ARHGAP21: variants seen among roughly 807,000 people sequenced by gnomAD.
ARHGAP21 encodes rho GTPase-activating protein 21.
A neutral mutation model predicts 164.6 loss-of-function variants in ARHGAP21; 38 were observed. The ratio of observed to expected loss-of-function variants is 0.23; its 90% CI spans 0.18 to 0.30. The LOEUF (loss-of-function observed/expected upper bound fraction) is 0.30. ARHGAP21 is among the 10% of genes least tolerant of loss of function. The probability of loss-of-function intolerance (pLI) is 1.00; values close to 1 mark genes in which losing one functional copy is unlikely to be tolerated. For synonymous variants in ARHGAP21, 766 were observed against 857.9 expected, an observed-to-expected ratio of 0.89 and a Z score of 1.87; for missense variants, 1,822 against 2,370.7, an observed-to-expected ratio of 0.77 and a Z score of 4.81.
chr10:24,709,312 A>G (rs1484068675), intron 2 of ARHGAP21, among the ~76,000 whole-genome samples: 1 of 152,216 alleles, frequency 6.6e-6, no homozygotes, highest in Non-Finnish European at 1.5e-5. Flanking sequence ...ATGGATTCAC[A>G]GCCAAATTCT....
intron 2 of ARHGAP21, among the ~76,000 whole-genome samples, chr10:24,694,461 G>A (rs61032267): frequency 0.013 from 1,913 of 152,304 alleles, 6 homozygotes; most frequent in Admixed American, 0.024. Context: ...CCTTCTGGGA[G>A]TCTAGAATGT....
intron 21 of ARHGAP21, among the ~76,000 whole-genome samples, chr10:24,593,430 T>C (rs2076424609): frequency 6.6e-6 from 1 of 152,200 alleles, no homozygotes; most frequent in African/African-American, 2.4e-5. Context: ...TACTAGACTC[T>C]TGACTATGAT....
In ARHGAP21 at chr10:24,670,370, G is replaced by C. The variant is rs1249375528; in HGVS notation, c.91C>G (p.Gln31Glu). 4.4e-6 allele frequency: 7 copies of C among 1,594,024 alleles called. No homozygotes were observed. The highest frequency in any genetic ancestry group is 2.7e-5 in the African/African-American group (2 of 74,360). ...TCAGACAGTGATACAGTTTCACTTTGTTCTTTTCCATCTTTATTTTTTGAG... is the reference window on the plus strand; with the variant it reads ...TCAGACAGTGATACAGTTTCACTTTCTTCTTTTCCATCTTTATTTTTTGAG... ...EVSKNKDGKE[Q>E]SETVSLSEDE... is the part of the protein sequence containing the mutation. Residue 31 changes from glutamine (Q) to glutamate (E), a missense_variant, in exon 3 of 26, where the codon CAA (glutamine) becomes GAA (glutamate). Transcript: ENST00000396432.
At chr10:24,633,322 A>C in intron 6 of ARHGAP21, 80 bp downstream of exon 6, 1 of 1,020,226 alleles carries the variant, frequency 9.8e-7, no homozygotes, top group Non-Finnish European at 1.5e-6. Context: ...TCCTTGTAAG[A>C]ATAGAAGATT....
At chr10:24,701,404 C>G (rs1211909841) in intron 2 of ARHGAP21, among the ~76,000 whole-genome samples, 1 of 151,754 alleles carries the variant, frequency 6.6e-6, no homozygotes, top group Non-Finnish European at 1.5e-5. Context: ...AATCATTTTA[C>G]AACCTTCTTT....
intron 2 of ARHGAP21, among the ~76,000 whole-genome samples, chr10:24,670,638 GA>G (rs1233669153): frequency 9.9e-5 from 15 of 151,806 alleles, no homozygotes; most frequent in Admixed American, 7.2e-4. Context: ...TTAGTCAGAA[GA>G]AAGAACTCTC....
chr10:24,627,117 T>C (rs1157459195), intron 7 of ARHGAP21, among the ~76,000 whole-genome samples: 1 of 152,176 alleles, frequency 6.6e-6, no homozygotes. Flanking sequence ...CTAAAATAAT[T>C]TGGTCTGTAT....
At chr10:24,633,372 C>T in intron 6 of ARHGAP21, 30 bp downstream of exon 6, 1 of 1,457,742 alleles carries the variant, frequency 6.9e-7, no homozygotes, top group Non-Finnish European at 9.6e-7. Context: ...TAAAACCCAT[C>T]TTTGGGTTTT....
rs954112845 is a variant in ARHGAP21 at position 24,584,168 on chromosome 10, A to T, written c.*244T>A. 42 of 193,546 alleles carry T rather than the reference A, an allele frequency of 2.2e-4. No homozygotes were observed. The highest frequency in any genetic ancestry group is 3.8e-4 in the Non-Finnish European group (37 of 98,112). 12.0% of individuals were successfully genotyped at this position (193,546 alleles called of 1,614,324 possible). On this transcript the variant is annotated 3_prime_UTR_variant, in exon 26 of 26. Transcript: ENST00000396432. ...TGATTTTGGGTATATGCTATGTAGTAAGTTGCAACAAATACCTTGCTCATT... is the reference window on the plus strand; with the variant it reads ...TGATTTTGGGTATATGCTATGTAGTTAGTTGCAACAAATACCTTGCTCATT...
chr10:24,705,987 A>C (rs978828394), intron 2 of ARHGAP21, among the ~76,000 whole-genome samples: 11 of 152,238 alleles, frequency 7.2e-5, no homozygotes, highest in African/African-American at 2.7e-4. Flanking sequence ...CTAACCTAGC[A>C]GATTTTCTCT....
intron 2 of ARHGAP21, among the ~76,000 whole-genome samples, chr10:24,699,686 A>G (rs1843481564): frequency 6.6e-6 from 1 of 152,022 alleles, no homozygotes; most frequent in Non-Finnish European, 1.5e-5. Context: ...CGGTAAAGAG[A>G]AGGCATCAAG....
chr10:24,628,946 C>T (rs1453465654), intron 7 of ARHGAP21: 3 of 80,870 alleles, frequency 3.7e-5, no homozygotes, highest in African/African-American at 1.6e-4. Flanking sequence ...TATATACACA[C>T]ACACACTATA....
At chr10:24,613,263 A>G (rs1045415960) in intron 9 of ARHGAP21, among the ~76,000 whole-genome samples, 1 of 152,224 alleles carries the variant, frequency 6.6e-6, no homozygotes, top group African/African-American at 2.4e-5. Context: ...TGGCCTTCTC[A>G]TCTTTGACCC....
chr10:24,603,623 G>A (rs994781907), intron 12 of ARHGAP21, among the ~76,000 whole-genome samples: 2 of 152,134 alleles, frequency 1.3e-5, no homozygotes, highest in Non-Finnish European at 2.9e-5. Flanking sequence ...AGAAGTGTGG[G>A]GGTTGGTTTT....
In ARHGAP21 at chr10:24,598,987, T is replaced by A. The variant is rs147581020; in HGVS notation, c.3133-978A>T. On this transcript the variant is annotated intron_variant, in intron 14 of 25. Coordinates refer to ENST00000396432, the MANE Select transcript of ARHGAP21 (RefSeq NM_020824.4). ...TGGTTGCTGAGATTAATGCATGTAG[T>A]ATGTTTAAAATAGTATCTGCCATAT... Among the ~76,000 whole-genome samples, 233 of 152,336 alleles carry A rather than the reference T, an allele frequency of 1.5e-3. 5 individuals are homozygous for A. The East Asian group carries it at 0.038, about 25-fold the overall frequency.
At chr10:24,688,180 C>G (rs983595985) in intron 2 of ARHGAP21, among the ~76,000 whole-genome samples, 2 of 152,172 alleles carry the variant, frequency 1.3e-5, no homozygotes, top group African/African-American at 4.8e-5. Context: ...CACCTGAGGT[C>G]AGAAGTTCGA....
chr10:24,600,132 C>CA lies in ARHGAP21; in HGVS notation c.3132+513dup, dbSNP rs56180973. Among the ~76,000 whole-genome samples, 433 of 94,776 alleles carry CA rather than the reference C, an allele frequency of 4.6e-3. 4 individuals are homozygous for CA. The highest frequency in any genetic ancestry group is 0.014 in the East Asian group (42 of 3,006). 62.2% of individuals were successfully genotyped at this position (94,776 alleles called of 152,430 possible). A position where few individuals can be genotyped will look rare whatever the true frequency, so the allele number is the denominator to read the frequency against. On this transcript the variant is annotated intron_variant, in intron 14 of 25. Coordinates refer to ENST00000396432, the MANE Select transcript of ARHGAP21 (RefSeq NM_020824.4). ...TGGGCAACAGAGCAGGACTTCGTTT[C>CA]AAAAAAAAAAAAAAAAAAGCTGACT... is the stretch of plus-strand genomic sequence containing the variant.
At chr10:24,586,130 ACT>A (rs774008399) in intron 25 of ARHGAP21, 24 bp from the exon 26 acceptor site, 7 of 1,543,652 alleles carry the variant, frequency 4.5e-6, no homozygotes, top group South Asian at 1.3e-5. Flanking sequence ...GAGAAGAAAG[ACT>A]CTGAGCATAA....
Position 24,584,971 on chromosome 10 carries a change from G to A in ARHGAP21, c.5318C>T (p.Pro1773Leu). 4 of 1,613,826 alleles carry A rather than the reference G, an allele frequency of 2.5e-6. No individual in the cohort carries two copies. Among genetic ancestry groups the A allele is most frequent in the Non-Finnish European group, 3.4e-6 (4 of 1,179,840 alleles). Residue 1773 changes from proline to leucine, a missense_variant, in exon 26 of 26, where the codon CCC becomes CTC. By Grantham distance (98) the Pro-to-Leu change is moderately conservative (BLOSUM62 -3). Transcript: ENST00000396432. ...AAACATGTCATCCGCAGGGGCTCTG[G>A]GTCTCAGTTTTAACCGATCTGCTAT... ...TKIADRLKLR[P>L]RAPADDMFGV...
Sources: gnomAD v4.1 joint callset for allele counts (sites outside exome capture counted in the v4.1 genomes callset) on GRCh38, gnomAD v4.1.1 for gene constraint, MANE v1.5 for transcripts, NCBI Gene and HGNC (gene_info 2026-07-23, HGNC 2026-07-21) for gene names.